Variants in NCR1 observed in about 807,000 individuals in gnomAD.
The protein encoded by NCR1 is NK cell-activating receptor.
NCR1 carries 30 observed loss-of-function variants against 32.5 expected under a neutral mutation model. The ratio of observed to expected loss-of-function variants is 0.92; its 90% CI spans 0.69 to 1.25. NCR1 has a LOEUF of 1.25. NCR1 is among the 50% of genes most tolerant of loss of function. The pLI, the probability that NCR1 is intolerant of heterozygous loss-of-function variation, is 0.00. For synonymous variants in NCR1, 169 were observed against 143.4 expected, an observed-to-expected ratio of 1.18 and a Z score of -1.28; for missense variants, 369 against 380.7, an observed-to-expected ratio of 0.97 and a Z score of 0.26.
At chr19:54,918,938 C>G (rs1425588340), downstream of NCR1, among the ~76,000 whole-genome samples, 2 of 149,588 alleles carry the variant, frequency 1.3e-5, no homozygotes, top group African/African-American at 4.9e-5. Context: ...GAGCCAAGAT[C>G]ACACCATTGC....
At chr19:54,927,672 A>AC in the NCR1 span, 2 of 1,614,182 alleles carry the variant, frequency 1.2e-6, no homozygotes, top group Middle Eastern at 1.6e-4. Context: ...CCACTCTTCC[A>AC]CAAATGATTC....
At chr19:54,923,127 G>C in the NCR1 span, among the ~76,000 whole-genome samples, 6 of 152,214 alleles carry the variant, frequency 3.9e-5, no homozygotes, top group Admixed American at 1.3e-4. Flanking sequence ...GAACAGGGCT[G>C]GCTGCCCATG....
chr19:54,914,789 G>T (rs2068100106), downstream of NCR1, among the ~76,000 whole-genome samples: 1 of 151,022 alleles, frequency 6.6e-6, no homozygotes. Context: ...GCCCAAGCTG[G>T]CGTGCAGTGG....
At chr19:54,907,979 T>C (rs2067720962) in intron 3 of NCR1, among the ~76,000 whole-genome samples, 2 of 152,040 alleles carry the variant, frequency 1.3e-5, no homozygotes, top group African/African-American at 4.8e-5. Context: ...TACTCATTTA[T>C]TCTTTTTTTT....
the NCR1 span, chr19:54,934,461 G>T: frequency 6.2e-7 from 1 of 1,612,886 alleles, no homozygotes; most frequent in South Asian, 1.1e-5. The surrounding 1 kb of genome is among the most constrained non-coding windows in gnomAD (Gnocchi z 6.7). Flanking sequence ...AACTAAACCA[G>T]AGCTGCCCAT....
chr19:54,920,044 T>C (rs370971808), downstream of NCR1, among the ~76,000 whole-genome samples: 1 of 152,350 alleles, frequency 6.6e-6, no homozygotes, highest in Middle Eastern at 3.4e-3. Flanking sequence ...ATGATACTCA[T>C]ATATAATCAT....
downstream of NCR1, among the ~76,000 whole-genome samples, chr19:54,913,435 T>C (rs1055449362): frequency 1.3e-5 from 2 of 152,228 alleles, no homozygotes; most frequent in Admixed American, 1.3e-4. Context: ...AACCATACTT[T>C]TAACCACTCT....
At chr19:54,937,403 T>C in the NCR1 span, among the ~76,000 whole-genome samples, 72 of 150,686 alleles carry the variant, frequency 4.8e-4, no homozygotes, top group Non-Finnish European at 4.6e-4. Flanking sequence ...AAAAAAAAGA[T>C]AGCTGGGGCC....
the NCR1 span, among the ~76,000 whole-genome samples, chr19:54,932,175 G>A: frequency 1.9e-4 from 29 of 151,976 alleles, no homozygotes; most frequent in African/African-American, 4.1e-4. Context: ...TGCCTGGAAC[G>A]CCAGCACTTT....
At chr19:54,909,992 T>C (rs2067879735) in intron 4 of NCR1, 26 bp from the exon 5 acceptor site, 2 of 1,598,400 alleles carry the variant, frequency 1.3e-6, no homozygotes, top group Non-Finnish European at 8.5e-7. Flanking sequence ...AAACCCTTAC[T>C]TTTTTTTCTT....
the NCR1 span, chr19:54,934,503 G>A: frequency 5.0e-6 from 8 of 1,614,148 alleles, no homozygotes; most frequent in African/African-American, 1.3e-5. The surrounding 1 kb of genome is among the most constrained non-coding windows in gnomAD (Gnocchi z 6.7). Flanking sequence ...ACATCTGCAG[G>A]AAGTGTTTTG....
upstream of NCR1, chr19:54,906,124 C>T: frequency 6.2e-7 from 1 of 1,607,864 alleles, no homozygotes; most frequent in East Asian, 2.2e-5. Context: ...TCCTGTGTAT[C>T]TATCTCCCTG....
At chr19:54,906,115 C>T (rs1047557215), upstream of NCR1, 64 of 1,597,304 alleles carry the variant, frequency 4.0e-5, no homozygotes, top group Non-Finnish European at 5.4e-5. Flanking sequence ...CCCACCACTT[C>T]CTGTGTATCT....
upstream of NCR1, among the ~76,000 whole-genome samples, chr19:54,905,296 G>T (rs1034920544): frequency 6.6e-6 from 1 of 152,062 alleles, no homozygotes; most frequent in Non-Finnish European, 1.5e-5. Flanking sequence ...GGTGTGAGAT[G>T]GTATTGTTGA....
chr19:54,910,855 T>C (rs2067935661), intron 5 of NCR1, among the ~76,000 whole-genome samples: 1 of 152,236 alleles, frequency 6.6e-6, no homozygotes, highest in African/African-American at 2.4e-5. Context: ...AGAAGGCATC[T>C]GAGCAAATGC....
upstream of NCR1, among the ~76,000 whole-genome samples, chr19:54,904,486 C>T (rs911482059): frequency 3.3e-5 from 5 of 150,104 alleles, no homozygotes; most frequent in Admixed American, 6.7e-5. Flanking sequence ...CAATGTTTAG[C>T]GCTCTCACTT....
chr19:54,916,338 T>TTTTTTTTTTTTG (rs1556721210), downstream of NCR1, among the ~76,000 whole-genome samples: 1 of 132,022 alleles, frequency 7.6e-6, no homozygotes, highest in African/African-American at 2.9e-5. Flanking sequence ...TTTTTTTTTT[T>TTTTTTTTTTTTG]GAGACGAAGT....
the NCR1 span, among the ~76,000 whole-genome samples, chr19:54,935,466 C>A: frequency 6.6e-6 from 1 of 152,110 alleles, no homozygotes; most frequent in South Asian, 2.1e-4. Context: ...GAGGCCGAGA[C>A]AGGCGGATCA....
Position 54,912,854 on chromosome 19 carries a change from A to G in NCR1, c.898A>G (p.Asn300Asp). 2 of 1,613,646 alleles carry G rather than the reference A, an allele frequency of 1.2e-6. No homozygotes were observed. The highest frequency in any genetic ancestry group is 1.7e-6 in the Non-Finnish European group (2 of 1,179,918). Residue 300 changes from asparagine (N) to aspartate (D), a missense_variant, in exon 7 of 7, where the codon AAC becomes GAC. Asn to Asp is a conservative substitution (Grantham distance 23, BLOSUM62 1). Transcript: ENST00000291890. Reference sequence around the variant, plus strand: ...CACTTGGGAAGGCAGGAGAAGGCTGAACACACAGACTCTTTGAAGAATGAC... The same window carrying G: ...CACTTGGGAAGGCAGGAGAAGGCTGGACACACAGACTCTTTGAAGAATGAC... The part of the protein sequence containing the change: ...ASTWEGRRRL[N>D]TQTL
Sources: allele counts gnomAD v4.1 joint callset (sites outside exome capture counted in the v4.1 genomes callset), GRCh38; gene constraint gnomAD v4.1.1; non-coding constraint Gnocchi (gnomAD v3.1); transcripts MANE v1.5; gene names NCBI Gene and HGNC (gene_info 2026-07-23, HGNC 2026-07-21).